The following SLC22A14 variants were observed in gnomAD, a reference collection of about 807,000 sequenced individuals.
SLC22A14 encodes organic cation transporter-like 4.
SLC22A14 carries 50 observed loss-of-function variants against 53.9 expected under a neutral mutation model. That is an observed-to-expected ratio of 0.93 (90% CI 0.74 to 1.17). SLC22A14 has a LOEUF of 1.17. Ranked by LOEUF, SLC22A14 falls within the 50% of genes most tolerant of loss-of-function variation. The pLI, the probability that SLC22A14 is intolerant of heterozygous loss-of-function variation, is 0.00. For synonymous variants in SLC22A14, 312 were observed against 303.0 expected, an observed-to-expected ratio of 1.03 and a Z score of -0.31; for missense variants, 671 against 734.7, an observed-to-expected ratio of 0.91 and a Z score of 1.00.
chr3:38,309,978 C>CT (rs1449477391), intron 5 of SLC22A14, among the ~76,000 whole-genome samples: 1 of 152,168 alleles, frequency 6.6e-6, no homozygotes, highest in Non-Finnish European at 1.5e-5. Flanking sequence ...TGTCTAACAG[C>CT]ACACAGCTAG....
chr3:38,316,406 C>T lies in SLC22A14; in HGVS notation c.1615C>T (p.Leu539Phe), dbSNP rs201822077. Residue 539 changes from leucine (L) to phenylalanine (F), a missense_variant, in exon 10 of 11, where the codon CTC (leucine) becomes TTC (phenylalanine). By Grantham distance (22) the Leu-to-Phe change is conservative (BLOSUM62 0). Transcript: ENST00000448498. ...SLTIISQTPSLLPIFLCCVLA... is the reference protein window; with the variant it reads ...SLTIISQTPSFLPIFLCCVLA... Reference sequence around the variant, plus strand: ...GACAATCATCAGCCAGACCCCCTCCCTCCTGCCCATCTTTCTCTGCTGCGT... The same window carrying T: ...GACAATCATCAGCCAGACCCCCTCCTTCCTGCCCATCTTTCTCTGCTGCGT... 6.6e-5 allele frequency: 107 copies of T among 1,614,218 alleles called. No homozygotes were observed. The highest frequency in any genetic ancestry group is 8.3e-5 in the Non-Finnish European group (98 of 1,180,036).
intron 1 of SLC22A14, among the ~76,000 whole-genome samples, chr3:38,284,090 G>A (rs1703733784): frequency 6.6e-6 from 1 of 152,202 alleles, no homozygotes; most frequent in Admixed American, 6.5e-5. Context: ...ACGATGAGCT[G>A]GAGACCTCTT....
At chr3:38,289,769 G>A (rs906743561) in intron 1 of SLC22A14, among the ~76,000 whole-genome samples, 4 of 152,300 alleles carry the variant, frequency 2.6e-5, no homozygotes, top group East Asian at 1.9e-4. Context: ...AGTCAGCGGC[G>A]GGTCTGCAAC....
Position 38,306,285 on chromosome 3 carries a change from G to C in SLC22A14, c.259G>C (p.Asp87His). 6.2e-7 allele frequency: 1 copy of C among 1,614,130 alleles called. No individual in the cohort carries two copies. Among genetic ancestry groups the C allele is most frequent in the South Asian group, 1.1e-5 (1 of 91,078 alleles). Residue 87 changes from aspartate (D) to histidine (H), a missense_variant, in exon 2 of 11, where the codon GAC (aspartate) becomes CAC (histidine). Asp to His is a moderately conservative substitution (Grantham distance 81). Coordinates refer to ENST00000448498, the MANE Select transcript of SLC22A14 (RefSeq NM_001320033.2). ...SIMSAFFMFA[D>H]HFVFTAQKPY... ...CATGTCGGCCTTCTTCATGTTTGCT[G>C]ACCACTTCGTGTTCACAGCCCAGAA... is the stretch of plus-strand genomic sequence containing the variant.
At chr3:38,308,176 AAGGAGGAGG>A (rs201959020) in intron 4 of SLC22A14, 1 of 158,428 alleles carries the variant, frequency 6.3e-6, no homozygotes, top group Non-Finnish European at 1.4e-5. Context: ...AAGAAGAAAG[AAGGAGGAGG>A]AGGAGGAGGA....
upstream of SLC22A14, chr3:38,282,277 G>A (rs1703685071): frequency 6.5e-6 from 1 of 152,690 alleles, no homozygotes; most frequent in African/African-American, 2.4e-5. Flanking sequence ...ACTACTTCCT[G>A]GACACCAGTG....
At chr3:38,281,386 T>A (rs1194570385), upstream of SLC22A14, among the ~76,000 whole-genome samples, 1 of 152,178 alleles carries the variant, frequency 6.6e-6, no homozygotes, top group East Asian at 1.9e-4. Flanking sequence ...GAGTTATTTA[T>A]AAAGAAAAGA....
Position 38,307,124 on chromosome 3 carries a change from A to C in SLC22A14, c.517-130A>C. On this transcript the variant is annotated intron_variant, in intron 2 of 10. Coordinates refer to ENST00000448498, the MANE Select transcript of SLC22A14 (RefSeq NM_001320033.2). This position sits in a 1 kb window ranked among gnomAD's most constrained non-coding sequence, Gnocchi z 4.4. ...GGTAACAGAGCAGAGGCAACAGCTG[A>C]GGCACGCTGCACACTGTTAACTGCC... 1.4e-6 allele frequency: 1 copy of C among 710,582 alleles called. No homozygotes were observed. Among genetic ancestry groups the C allele is most frequent in the South Asian group, 1.5e-5 (1 of 64,622 alleles). 44.0% of individuals were successfully genotyped at this position (710,582 alleles called of 1,614,324 possible).
At position 38,315,616 on chromosome 3, in the gene SLC22A14, G is replaced by A. The variant is rs1291423238; in HGVS notation, c.1437G>A (p.Met479Ile). 1 of 1,614,064 alleles carries A rather than the reference G, an allele frequency of 6.2e-7. No individual in the cohort carries two copies. Among genetic ancestry groups the A allele is most frequent in the African/African-American group, 1.3e-5 (1 of 74,938 alleles). Reference sequence around the variant, plus strand: ...GTCCGGCCACAGAGCTGAAATCCATGACGATCTTGGTGCTCATGCTCAGAG... The same window carrying A: ...GTCCGGCCACAGAGCTGAAATCCATAACGATCTTGGTGCTCATGCTCAGAG... ...PRCPATELKS[M>I]TILVLMLREF... Residue 479 changes from methionine (M) to isoleucine (I), a missense_variant, in exon 9 of 11, where the codon ATG becomes ATA. Physicochemically the swap from Met to Ile is conservative, Grantham distance 10. Transcript: ENST00000448498.
At position 38,307,313 on chromosome 3, in the gene SLC22A14, A is replaced by C; in HGVS notation, c.576A>C (p.Ala192=). The change falls in exon 3 of 11, where the codon GCA becomes GCC. Residue 192 remains alanine, a synonymous_variant. Coordinates refer to ENST00000448498, the MANE Select transcript of SLC22A14 (RefSeq NM_001320033.2). The surrounding 1 kb of genome is among the most constrained non-coding windows in gnomAD (Gnocchi z 4.4). ...ACACTGCACAGATCATGTTCATGGC[A>C]GGGCTCCCGATAGGCTCTCTCATCT... is the stretch of plus-strand genomic sequence containing the variant. ...KKDTAQIMFM[A]GLPIGSLIFR... is the part of the protein sequence containing the mutation. 6.2e-7 allele frequency: 1 copy of C among 1,614,164 alleles called. No individual in the cohort carries two copies. Among genetic ancestry groups the C allele is most frequent in the Non-Finnish European group, 8.5e-7 (1 of 1,179,974 alleles).
upstream of SLC22A14, among the ~76,000 whole-genome samples, chr3:38,279,053 C>T (rs1703618947): frequency 6.6e-6 from 1 of 152,190 alleles, no homozygotes; most frequent in Non-Finnish European, 1.5e-5. Flanking sequence ...CCCCAGCTTG[C>T]TCACCTTCTC....
intron 1 of SLC22A14, among the ~76,000 whole-genome samples, chr3:38,297,895 T>C (rs1704075324): frequency 6.6e-6 from 1 of 152,244 alleles, no homozygotes; most frequent in African/African-American, 2.4e-5. Context: ...TCTCATATTT[T>C]CATCCTCTAA....
At chr3:38,297,900 C>T (rs1704075447) in intron 1 of SLC22A14, among the ~76,000 whole-genome samples, 1 of 152,076 alleles carries the variant, frequency 6.6e-6, no homozygotes, top group African/African-American at 2.4e-5. Flanking sequence ...TATTTTCATC[C>T]TCTAATTTTA....
At chr3:38,285,890 T>C (rs901006299) in intron 1 of SLC22A14, among the ~76,000 whole-genome samples, 7 of 152,246 alleles carry the variant, frequency 4.6e-5, no homozygotes, top group Non-Finnish European at 7.3e-5. Context: ...TGAATAATTC[T>C]GCCAGGAATG....
intron 1 of SLC22A14, among the ~76,000 whole-genome samples, chr3:38,295,163 A>C (rs1445393746): frequency 6.6e-6 from 1 of 152,186 alleles, no homozygotes; most frequent in Non-Finnish European, 1.5e-5. Context: ...AATTCCTCCT[A>C]GGTCTTGTCA....
At chr3:38,291,273 AG>A (rs1394606707) in intron 1 of SLC22A14, among the ~76,000 whole-genome samples, 1 of 152,206 alleles carries the variant, frequency 6.6e-6, no homozygotes, top group Non-Finnish European at 1.5e-5. Flanking sequence ...GGATCAGTCA[AG>A]GGAACCTCTA....
rs184750888 is a variant in SLC22A14, at chr3:38,308,057, C to G, written c.775+337C>G. 332 of 309,298 alleles carry G rather than the reference C, an allele frequency of 1.1e-3. 2 individuals carry two copies. The highest frequency in any genetic ancestry group is 6.7e-3 in the African/African-American group (305 of 45,364). 19.2% of individuals were successfully genotyped at this position (309,298 alleles called of 1,614,324 possible). A position where few individuals can be genotyped will look rare whatever the true frequency, so the allele number is the denominator to read the frequency against. ...TACACCACACCTTCCACCGCATACTCTTTGCATACCCCCAAGCCCCATGGG... is the reference window on the plus strand; with the variant it reads ...TACACCACACCTTCCACCGCATACTGTTTGCATACCCCCAAGCCCCATGGG... On this transcript the variant is annotated intron_variant, in intron 4 of 10. Coordinates refer to ENST00000448498, the MANE Select transcript of SLC22A14 (RefSeq NM_001320033.2).
chr3:38,313,911 T>G lies in SLC22A14; in HGVS notation c.1348T>G (p.Trp450Gly). The change falls in exon 8 of 11, where the codon TGG becomes GGG. Residue 450 changes from tryptophan to glycine, a missense_variant. By Grantham distance (184) the Trp-to-Gly change is radical (BLOSUM62 -2). Transcript: ENST00000448498. ...TGTGACTCTCCTCCAAGCCATCATC[T>G]GGTGCTTGCTTCTCCTTTTCCTCCC... is the stretch of plus-strand genomic sequence containing the variant. ...LAVTLLQAII[W>G]CLLLLFLPEG... 1 of 1,613,918 alleles carries G rather than the reference T, an allele frequency of 6.2e-7. No individual in the cohort carries two copies. Among genetic ancestry groups the G allele is most frequent in the Non-Finnish European group, 8.5e-7 (1 of 1,179,930 alleles).
At chr3:38,314,397 T>C (rs1160415011) in intron 8 of SLC22A14, among the ~76,000 whole-genome samples, 2 of 152,238 alleles carry the variant, frequency 1.3e-5, no homozygotes, top group African/African-American at 4.8e-5. Flanking sequence ...GAGTGTAATA[T>C]GGGGCTCAGC....
Sources: gnomAD v4.1 joint callset for allele counts (sites outside exome capture counted in the v4.1 genomes callset) on GRCh38, gnomAD v4.1.1 for gene constraint, Gnocchi (gnomAD v3.1) non-coding constraint, MANE v1.5 for transcripts, NCBI Gene and HGNC (gene_info 2026-07-23, HGNC 2026-07-21) for gene names.